The following GALNT13 variants were observed in gnomAD, a reference collection of about 807,000 sequenced individuals.
The protein encoded by GALNT13 is UDP-GalNAc:polypeptide N-acetylgalactosaminyltransferase 13.
Under a neutral mutation model 64.2 loss-of-function variants are expected in GALNT13, and 28 were observed. That is an observed-to-expected ratio of 0.44 (90% CI 0.32 to 0.60). The LOEUF is 0.60. Among genes scored for constraint, GALNT13 ranks in the 20% least tolerant of loss-of-function variants. The probability of loss-of-function intolerance (pLI) is 0.05; values close to 1 mark genes in which losing one functional copy is unlikely to be tolerated. For synonymous variants in GALNT13, 214 were observed against 224.6 expected (o/e 0.95, Z 0.42); for missense variants, 577 against 669.8 (o/e 0.86, Z 1.53).
At chr2:153,711,640 T>C in the GALNT13 span, among the ~76,000 whole-genome samples, 1 of 152,194 alleles carries the variant, frequency 6.6e-6, no homozygotes, top group East Asian at 1.9e-4. Flanking sequence ...ATCAGAAGTT[T>C]AGTTAGTAGT....
At chr2:154,293,916 T>A (rs1023519690) in intron 8 of GALNT13, among the ~76,000 whole-genome samples, 5 of 152,226 alleles carry the variant, frequency 3.3e-5, no homozygotes, top group Non-Finnish European at 5.9e-5. Context: ...GTTAAATGTT[T>A]TATTCTTGTA....
At chr2:153,476,221 T>C in the GALNT13 span, among the ~76,000 whole-genome samples, 29 of 152,360 alleles carry the variant, frequency 1.9e-4, no homozygotes, top group Non-Finnish European at 3.7e-4. Context: ...ATAGTGGATA[T>C]GACATTAAAG....
rs114757731 is a variant in GALNT13 at position 153,912,698 on chromosome 2, C to T, written c.-105+11691C>T. Among the ~76,000 whole-genome samples the T allele has an allele frequency of 5.8e-3, 883 of 152,198 alleles. 5 individuals carry two copies. The highest frequency in any genetic ancestry group is 9.7e-3 in the Non-Finnish European group (657 of 68,002). On this transcript the variant is annotated intron_variant, in intron 2 of 12. Transcript: ENST00000392825. The stretch of plus-strand genomic sequence containing the variant: ...GAGTCAAGGCTTAGCTCAGGACTCC[C>T]GGACTGTGTTTTCTAATTCTGGGTG...
chr2:153,813,616 C>G, the GALNT13 span, among the ~76,000 whole-genome samples: 1 of 152,074 alleles, frequency 6.6e-6, no homozygotes, highest in East Asian at 1.9e-4. Flanking sequence ...CCGGTCTGAC[C>G]TTACCTATCC....
At chr2:153,440,451 T>G in the GALNT13 span, among the ~76,000 whole-genome samples, 19 of 152,214 alleles carry the variant, frequency 1.2e-4, no homozygotes, top group Admixed American at 1.2e-3. Flanking sequence ...TTTATAATCC[T>G]TTGAGTATAT....
At chr2:154,279,041 G>C (rs953130568) in intron 8 of GALNT13, among the ~76,000 whole-genome samples, 2 of 152,086 alleles carry the variant, frequency 1.3e-5, no homozygotes, top group African/African-American at 4.8e-5. Flanking sequence ...AGGGATAATT[G>C]ATGAGATAAA....
At chr2:153,178,768 C>T in the GALNT13 span, among the ~76,000 whole-genome samples, 843 of 120,614 alleles carry the variant, frequency 7.0e-3, 16 homozygotes, top group African/African-American at 0.025. Context: ...TGGAGTCTTG[C>T]TCTGTTGCCC....
the GALNT13 span, among the ~76,000 whole-genome samples, chr2:153,415,355 C>T: frequency 1.7e-3 from 263 of 152,200 alleles, no homozygotes; most frequent in African/African-American, 6.0e-3. Flanking sequence ...GAACCACGGT[C>T]ACATAGGAGA....
the GALNT13 span, among the ~76,000 whole-genome samples, chr2:153,562,142 T>G: frequency 2.0e-5 from 3 of 150,686 alleles, no homozygotes; most frequent in African/African-American, 4.9e-5. Context: ...GGGAGGCATA[T>G]AAATATTATT....
chr2:153,859,656 C>A, the GALNT13 span, among the ~76,000 whole-genome samples: 1 of 151,962 alleles, frequency 6.6e-6, no homozygotes, highest in African/African-American at 2.4e-5. Context: ...AGGAAAAAAG[C>A]AAAAACATGT....
intron 9 of GALNT13, among the ~76,000 whole-genome samples, chr2:154,356,246 C>G (rs1414731870): frequency 2.6e-5 from 4 of 151,706 alleles, no homozygotes; most frequent in Non-Finnish European, 4.4e-5. Context: ...CCTTAGAACT[C>G]TTTTTAAAAA....
the GALNT13 span, among the ~76,000 whole-genome samples, chr2:153,856,789 A>C: frequency 3.9e-5 from 6 of 152,136 alleles, no homozygotes; most frequent in Non-Finnish European, 8.8e-5. Context: ...AAATGAGTAC[A>C]TGTGTTAAAC....
the GALNT13 span, among the ~76,000 whole-genome samples, chr2:153,344,579 T>G: frequency 6.6e-6 from 1 of 152,110 alleles, no homozygotes; most frequent in African/African-American, 2.4e-5. Context: ...CCCCAGCTTT[T>G]TTTGTGATTA....
At chr2:154,064,318 AT>A (rs1286250950) in intron 3 of GALNT13, among the ~76,000 whole-genome samples, 1 of 152,168 alleles carries the variant, frequency 6.6e-6, no homozygotes. Context: ...AAGAACTGCA[AT>A]TCCTAGGCAA....
chr2:153,553,481 G>A, the GALNT13 span, among the ~76,000 whole-genome samples: 6 of 152,312 alleles, frequency 3.9e-5, 1 homozygote, highest in African/African-American at 1.4e-4. Context: ...CAGCCTGGAT[G>A]ACAGAGTGAG....
chr2:153,088,036 T>C, the GALNT13 span, among the ~76,000 whole-genome samples: 3 of 152,104 alleles, frequency 2.0e-5, 1 homozygote, highest in African/African-American at 7.2e-5. Flanking sequence ...CTTGTTTCTC[T>C]AGTTTTTTGA....
At chr2:154,178,315 G>A (rs1268536202) in intron 4 of GALNT13, among the ~76,000 whole-genome samples, 1 of 150,996 alleles carries the variant, frequency 6.6e-6, no homozygotes, top group African/African-American at 2.4e-5. Context: ...TTAGAATTTA[G>A]TGTGAAGAAA....
rs904663665 is a variant in GALNT13 at position 154,061,479 on chromosome 2, C to T, written c.143-78858C>T. ...AATTTTATTCAGATTAATTTTTATT[C>T]ATCATTCTTCCTCTGTTTTAGCTTT... On this transcript the variant is annotated intron_variant, in intron 3 of 12. Coordinates refer to ENST00000392825, the MANE Select transcript of GALNT13 (RefSeq NM_052917.4). Among the ~76,000 whole-genome samples the T allele has an allele frequency of 4.6e-5, 7 of 152,146 alleles. 1 individual carries two copies. In the East Asian group the frequency reaches 1.2e-3, roughly 25 times the overall value.
chr2:154,364,832 G>A (rs981611682), intron 9 of GALNT13, among the ~76,000 whole-genome samples: 4 of 152,020 alleles, frequency 2.6e-5, no homozygotes, highest in African/African-American at 9.7e-5. Flanking sequence ...CACCATACCT[G>A]GCTAATTTTT....
Sources: allele counts gnomAD v4.1 joint callset (sites outside exome capture counted in the v4.1 genomes callset), GRCh38; gene constraint gnomAD v4.1.1; transcripts MANE v1.5; gene names NCBI Gene and HGNC (gene_info 2026-07-23, HGNC 2026-07-21).